Variants in CLCA1 observed in about 807,000 individuals in gnomAD.
CLCA1 encodes the protein chloride channel accessory 1.
Under a neutral mutation model 85.6 loss-of-function variants are expected in CLCA1, and 59 were observed. The ratio of observed to expected loss-of-function variants is 0.69; its 90% CI spans 0.56 to 0.86. The LOEUF (loss-of-function observed/expected upper bound fraction) is 0.86, where lower values mean the gene tolerates loss of function less well. CLCA1 is among the 40% of genes least tolerant of loss of function. The pLI, the probability that CLCA1 is intolerant of heterozygous loss-of-function variation, is 0.00. For synonymous variants in CLCA1, 396 were observed against 398.3 expected, an observed-to-expected ratio of 0.99 and a Z score of 0.07; for missense variants, 1,022 against 1,101.4, an observed-to-expected ratio of 0.93 and a Z score of 1.02.
chr1:86,494,995 T>C (rs1310304405), intron 11 of CLCA1, among the ~76,000 whole-genome samples: 3 of 150,616 alleles, frequency 2.0e-5, no homozygotes, highest in Admixed American at 2.0e-4. Flanking sequence ...TTCTTGTCTT[T>C]AAGAAGTCTA....
In CLCA1 at chr1:86,473,847, G is replaced by C. The variant is rs774539190; in HGVS notation, c.422G>C (p.Gly141Ala). Residue 141 changes from glycine to alanine, a missense_variant, in exon 3 of 14, where the codon GGA becomes GCA. Physicochemically the swap from Gly to Ala is moderately conservative, Grantham distance 60 (BLOSUM62 0). Coordinates refer to ENST00000394711, the MANE Select transcript of CLCA1 (RefSeq NM_001285.4). ...CACCTCACTCCTGATTTCATTGCAGGAAAAAAGTTAGCTGAATATGGACCA... is the reference window on the plus strand; with the variant it reads ...CACCTCACTCCTGATTTCATTGCAGCAAAAAAGTTAGCTGAATATGGACCA... ...RIHLTPDFIA[G>A]KKLAEYGPQG... 6.2e-7 allele frequency: 1 copy of C among 1,608,108 alleles called. No individual in the cohort carries two copies. The highest frequency in any genetic ancestry group is 1.7e-5 in the Admixed American group (1 of 58,612).
At chr1:86,485,612 T>G (rs1202198838) in intron 6 of CLCA1, 51 bp downstream of exon 6, 3 of 1,523,300 alleles carry the variant, frequency 2.0e-6, no homozygotes, top group Non-Finnish European at 2.7e-6. Context: ...GATATGCATG[T>G]TCTGGACCCT....
chr1:86,475,293 G>T (rs1202954500), intron 3 of CLCA1, among the ~76,000 whole-genome samples: 1 of 152,120 alleles, frequency 6.6e-6, no homozygotes, highest in Non-Finnish European at 1.5e-5. Flanking sequence ...AATCCTTAGT[G>T]TGGGATACTG....
chr1:86,475,605 T>G (rs997521878), intron 3 of CLCA1, among the ~76,000 whole-genome samples: 1 of 152,036 alleles, frequency 6.6e-6, no homozygotes, highest in Non-Finnish European at 1.5e-5. Context: ...GGGCCTAAGA[T>G]GAGGATTTCA....
chr1:86,486,646 C>T lies in CLCA1; in HGVS notation c.1075C>T (p.Leu359Phe). Residue 359 changes from leucine to phenylalanine, a missense_variant, in exon 7 of 14, where the codon CTC (leucine) becomes TTC (phenylalanine). Leu to Phe is a conservative substitution (Grantham distance 22, BLOSUM62 0). Transcript: ENST00000394711. ...CAGTGCTGCCCATGTACAAAATGAA[C>T]TCATACAGATAAACAGTGGCAGTGA... The part of the protein sequence containing the change: ...FDSAAHVQNE[L>F]IQINSGSDRD... 1 of 1,614,146 alleles carries T rather than the reference C, an allele frequency of 6.2e-7. No individual in the cohort carries two copies. Among genetic ancestry groups the T allele is most frequent in the South Asian group, 1.1e-5 (1 of 91,074 alleles).
In CLCA1 at chr1:86,493,404, C is replaced by T; in HGVS notation, c.1485C>T (p.Thr495=). 1 of 1,613,820 alleles carries T rather than the reference C, an allele frequency of 6.2e-7. No homozygotes were observed. Among genetic ancestry groups the T allele is most frequent in the East Asian group, 2.2e-5 (1 of 44,878 alleles). The change falls in exon 10 of 14, where the codon ACC becomes ACT. Residue 495 remains threonine (T), a synonymous_variant. Coordinates refer to ENST00000394711, the MANE Select transcript of CLCA1 (RefSeq NM_001285.4). ...RSIQLESKGL[T]LQNSQWMNGT... The stretch of plus-strand genomic sequence containing the variant: ...AACAGCTTGAGAGTAAGGGATTAAC[C>T]CTCCAGAACAGCCAGTGGATGAATG...
Position 86,489,141 on chromosome 1 carries a change from A to G in CLCA1, c.1328A>G (p.Gln443Arg). The change falls in exon 8 of 14, where the codon CAA (glutamine) becomes CGA (arginine). Residue 443 changes from glutamine (Q) to arginine (R), a missense_variant. Transcript: ENST00000394711. ...HTVALGPSAAQELEELSKMTG... is the reference protein window; with the variant it reads ...HTVALGPSAARELEELSKMTG... ...GTCGCTTTGGGGCCCTCTGCAGCTC[A>G]AGAACTAGAGGAGCTGTCCAAAATG... The G allele has an allele frequency of 6.2e-7, 1 of 1,613,876 alleles. No individual in the cohort carries two copies. The highest frequency in any genetic ancestry group is 1.3e-5 in the African/African-American group (1 of 75,004).
intron 11 of CLCA1, 70 bp downstream of exon 11, chr1:86,494,518 C>T: frequency 6.4e-7 from 1 of 1,560,918 alleles, no homozygotes; most frequent in South Asian, 1.2e-5. Context: ...GCCAAGAGGG[C>T]ATGGTCTGGT....
chr1:86,481,587 C>T (rs967342457), intron 4 of CLCA1, among the ~76,000 whole-genome samples: 2 of 152,068 alleles, frequency 1.3e-5, no homozygotes, highest in East Asian at 1.9e-4. Context: ...TAGCTCATTT[C>T]TGATGGTGAG....
At chr1:86,483,630 A>G (rs1487099662) in intron 5 of CLCA1, among the ~76,000 whole-genome samples, 1 of 152,202 alleles carries the variant, frequency 6.6e-6, no homozygotes, top group South Asian at 2.1e-4. Context: ...TATTGACCTT[A>G]GTGCATATAT....
chr1:86,487,073 T>C (rs1367414366), intron 7 of CLCA1, among the ~76,000 whole-genome samples: 1 of 152,246 alleles, frequency 6.6e-6, no homozygotes, highest in Non-Finnish European at 1.5e-5. Flanking sequence ...CCAGCTCACA[T>C]GGCCTGATGT....
intron 3 of CLCA1, 51 bp downstream of exon 3, chr1:86,473,927 A>C: frequency 7.3e-7 from 1 of 1,373,140 alleles, no homozygotes; most frequent in Non-Finnish European, 9.9e-7. Context: ...TTTTATGTTC[A>C]AAGTGTATCA....
intron 5 of CLCA1, 38 bp downstream of exon 5, chr1:86,482,420 A>G (rs779283135): frequency 6.3e-7 from 1 of 1,583,028 alleles, no homozygotes; most frequent in South Asian, 1.2e-5. Flanking sequence ...CCAGATTCTT[A>G]TGAATTTAGT....
rs567744135 is a variant in CLCA1, at chr1:86,495,188, G to C, written c.1943-317G>C. Reference sequence around the variant, plus strand: ...TACAACATTTTTTTCTTCCACATTTGCATATAGCAGTTTAATTTAGTTCAA... The same window carrying C: ...TACAACATTTTTTTCTTCCACATTTCCATATAGCAGTTTAATTTAGTTCAA... On this transcript the variant is annotated intron_variant, in intron 11 of 13. Coordinates refer to ENST00000394711, the MANE Select transcript of CLCA1 (RefSeq NM_001285.4). Among the ~76,000 whole-genome samples the C allele has an allele frequency of 4.6e-5, 7 of 152,148 alleles. No individual in the cohort carries two copies. The East Asian group carries it at 1.4e-3, about 29-fold the overall frequency.
intron 7 of CLCA1, 99 bp downstream of exon 7, chr1:86,486,852 T>A: frequency 2.0e-6 from 2 of 1,008,250 alleles, no homozygotes; most frequent in South Asian, 1.4e-5. Flanking sequence ...AGGGTCCAAC[T>A]GGATGAGATA....
chr1:86,472,520 A>G (rs1351147152), intron 1 of CLCA1, among the ~76,000 whole-genome samples: 1 of 152,094 alleles, frequency 6.6e-6, no homozygotes, highest in Non-Finnish European at 1.5e-5. Context: ...TTCGAAGCAA[A>G]TGGTTTTCAG....
chr1:86,499,314 G>A (rs1180642457), intron 13 of CLCA1, among the ~76,000 whole-genome samples: 2 of 152,218 alleles, frequency 1.3e-5, no homozygotes, highest in Non-Finnish European at 2.9e-5. Flanking sequence ...GAGAAGCATT[G>A]GTGCAAACTG....
chr1:86,498,097 T>G (rs2791485), intron 12 of CLCA1, among the ~76,000 whole-genome samples: 2 of 151,494 alleles, frequency 1.3e-5, no homozygotes, highest in African/African-American at 4.9e-5. Flanking sequence ...GAGCCAAGAT[T>G]GCGCCACACC....
chr1:86,475,089 C>T (rs529289560), intron 3 of CLCA1, among the ~76,000 whole-genome samples: 22 of 152,282 alleles, frequency 1.4e-4, no homozygotes, highest in Admixed American at 1.2e-3. Context: ...AGAACATTCT[C>T]AATGTATGAC....
Sources: gnomAD v4.1 joint callset for allele counts (sites outside exome capture counted in the v4.1 genomes callset) on GRCh38, gnomAD v4.1.1 for gene constraint, MANE v1.5 for transcripts, NCBI Gene and HGNC (gene_info 2026-07-23, HGNC 2026-07-21) for gene names.